CAMKMT: variants seen among roughly 807,000 people sequenced by gnomAD.
CAMKMT encodes the protein calmodulin-lysine N-methyltransferase.
In CAMKMT, 53 loss-of-function variants were observed where a neutral mutation model predicts 48.0. The observed-to-expected ratio is 1.10, with a 90% confidence interval of 0.89 to 1.39. The LOEUF (loss-of-function observed/expected upper bound fraction) is 1.39, where lower values mean the gene tolerates loss of function less well. CAMKMT is among the 40% of genes most tolerant of loss of function. The pLI, the probability that CAMKMT is intolerant of heterozygous loss-of-function variation, is 0.00. For synonymous variants in CAMKMT, 165 were observed against 152.3 expected, an observed-to-expected ratio of 1.08 and a Z score of -0.61; for missense variants, 428 against 402.7, an observed-to-expected ratio of 1.06 and a Z score of -0.54.
intron 6 of CAMKMT, among the ~76,000 whole-genome samples, chr2:44,714,830 T>C (rs1678082459): frequency 6.6e-6 from 1 of 152,190 alleles, no homozygotes. Context: ...AGCTTGCCTG[T>C]GGCAAGTCAG....
In CAMKMT at chr2:44,543,319, C is replaced by A. The variant is rs150385908; in HGVS notation, c.376+153014C>A. On this transcript the variant is annotated intron_variant, in intron 3 of 10. Transcript: ENST00000378494. ...GATTTCTGCCGTGTAAGTGTAGCCA[C>A]CAGCACAAATGAAAAGGATGCAAAG... Among the ~76,000 whole-genome samples the A allele has an allele frequency of 1.1e-3, 170 of 152,194 alleles. 1 individual carries two copies. The highest frequency in any genetic ancestry group is 4.0e-3 in the African/African-American group (166 of 41,514).
chr2:44,567,653 GGAA>G (rs543992452), intron 3 of CAMKMT, among the ~76,000 whole-genome samples: 6 of 152,262 alleles, frequency 3.9e-5, no homozygotes, highest in Admixed American at 3.9e-4. Context: ...GACAGACATG[GGAA>G]GGATGAGAAT....
chr2:44,490,690 G>T (rs886169718), intron 3 of CAMKMT, among the ~76,000 whole-genome samples: 1 of 152,068 alleles, frequency 6.6e-6, no homozygotes, highest in Non-Finnish European at 1.5e-5. Context: ...TGTTGTGAGA[G>T]CAGTATTTTA....
In CAMKMT at chr2:44,413,098, T is replaced by A. The variant is rs575969404; in HGVS notation, c.376+22793T>A. 1.7e-3 allele frequency among the ~76,000 whole-genome samples: 258 copies of A among 151,516 alleles called. 1 individual carries two copies. Among genetic ancestry groups the A allele is most frequent in the African/African-American group, 4.5e-3 (186 of 41,352 alleles). Reference sequence around the variant, plus strand: ...CTCAAAAAAAATAAAATAAAATAAATTAAATAAATAAATAAATAAATAATA... The same window carrying A: ...CTCAAAAAAAATAAAATAAAATAAAATAAATAAATAAATAAATAAATAATA... On this transcript the variant is annotated intron_variant, in intron 3 of 10. Coordinates refer to ENST00000378494, the MANE Select transcript of CAMKMT (RefSeq NM_024766.5).
intron 3 of CAMKMT, among the ~76,000 whole-genome samples, chr2:44,507,018 C>G (rs1670294471): frequency 6.6e-6 from 1 of 151,514 alleles, no homozygotes; most frequent in Non-Finnish European, 1.5e-5. Flanking sequence ...CAAGAAAATT[C>G]TTATCTTCAA....
chr2:44,599,451 A>C (rs1237032253), intron 3 of CAMKMT, among the ~76,000 whole-genome samples: 1 of 152,122 alleles, frequency 6.6e-6, no homozygotes, highest in Non-Finnish European at 1.5e-5. Context: ...AATGAGCTGG[A>C]AAAAATGTAG....
intron 3 of CAMKMT, among the ~76,000 whole-genome samples, chr2:44,542,944 C>T (rs915240350): frequency 2.6e-5 from 4 of 152,138 alleles, no homozygotes; most frequent in Non-Finnish European, 5.9e-5. Flanking sequence ...TCCCTTCATC[C>T]TCCATTCCTC....
chr2:44,682,719 A>G (rs1676093713), intron 3 of CAMKMT, among the ~76,000 whole-genome samples: 1 of 152,214 alleles, frequency 6.6e-6, no homozygotes, highest in Admixed American at 6.5e-5. Context: ...TGCAGAGACA[A>G]TCGAGAAACG....
chr2:44,374,164 A>C (rs1679454937), intron 2 of CAMKMT, among the ~76,000 whole-genome samples: 1 of 151,746 alleles, frequency 6.6e-6, no homozygotes, highest in African/African-American at 2.4e-5. Flanking sequence ...GAAAATGCCA[A>C]ATAAAATATA....
intron 3 of CAMKMT, among the ~76,000 whole-genome samples, chr2:44,682,743 TAGAAG>T (rs1247492959): frequency 3.9e-5 from 6 of 152,174 alleles, no homozygotes; most frequent in Non-Finnish European, 7.3e-5. Context: ...AAAATATTCT[TAGAAG>T]AGAATACGCA....
At chr2:44,417,235 T>A (rs920747841) in intron 3 of CAMKMT, among the ~76,000 whole-genome samples, 2 of 151,690 alleles carry the variant, frequency 1.3e-5, no homozygotes, top group African/African-American at 4.8e-5. Flanking sequence ...CTACTAAAAA[T>A]ACAAAAAAAA....
chr2:44,528,150 T>C (rs1666269775), intron 3 of CAMKMT, among the ~76,000 whole-genome samples: 1 of 152,186 alleles, frequency 6.6e-6, no homozygotes, highest in Non-Finnish European at 1.5e-5. Flanking sequence ...TGTCCCTTTC[T>C]TTCTTTTGTT....
At chr2:44,388,540 G>A (rs1681002388) in intron 2 of CAMKMT, among the ~76,000 whole-genome samples, 1 of 152,130 alleles carries the variant, frequency 6.6e-6, no homozygotes, top group African/African-American at 2.4e-5. Context: ...CGGATCCGTT[G>A]CTGGTTAACT....
chr2:44,722,890 G>A (rs1335878093), intron 7 of CAMKMT, among the ~76,000 whole-genome samples: 2 of 152,166 alleles, frequency 1.3e-5, no homozygotes, highest in Non-Finnish European at 2.9e-5. Flanking sequence ...TCAAGGTCTT[G>A]AAACCCTTTC....
intron 1 of CAMKMT, among the ~76,000 whole-genome samples, chr2:44,363,442 A>G (rs1678205140): frequency 6.6e-6 from 1 of 150,622 alleles, no homozygotes; most frequent in African/African-American, 2.5e-5. Flanking sequence ...AATGGCTGCC[A>G]TCTCCGCTCA....
At chr2:44,619,635 T>A (rs1672072073) in intron 3 of CAMKMT, among the ~76,000 whole-genome samples, 1 of 152,228 alleles carries the variant, frequency 6.6e-6, no homozygotes, top group Admixed American at 6.5e-5. Flanking sequence ...TATAAATTCT[T>A]TCAGGCTACT....
intron 3 of CAMKMT, among the ~76,000 whole-genome samples, chr2:44,524,286 A>G (rs566265521): frequency 1.1e-4 from 17 of 152,182 alleles, no homozygotes; most frequent in African/African-American, 4.1e-4. Flanking sequence ...TTCAAGGATA[A>G]TACAGTCCAT....
At chr2:44,711,181 C>T (rs945755289) in intron 6 of CAMKMT, among the ~76,000 whole-genome samples, 8 of 152,322 alleles carry the variant, frequency 5.3e-5, no homozygotes, top group Admixed American at 5.2e-4. Context: ...CCAATGCCGG[C>T]TGTACTTCCA....
intron 3 of CAMKMT, among the ~76,000 whole-genome samples, chr2:44,606,333 C>T (rs538680527): frequency 6.6e-6 from 1 of 152,256 alleles, no homozygotes; most frequent in South Asian, 2.1e-4. Flanking sequence ...AAACGATTAC[C>T]TCTCAAAATG....
Sources: gnomAD v4.1 joint callset for allele counts (sites outside exome capture counted in the v4.1 genomes callset) on GRCh38, gnomAD v4.1.1 for gene constraint, MANE v1.5 for transcripts, NCBI Gene and HGNC (gene_info 2026-07-23, HGNC 2026-07-21) for gene names.